The following CCDC92B variants were observed in gnomAD, a reference collection of about 807,000 sequenced individuals.
CCDC92B encodes the protein coiled-coil domain containing 92B, also known as coiled-coil domain-containing 92B.
In CCDC92B, 2 loss-of-function variants were observed where a neutral mutation model predicts 5.6. The observed-to-expected ratio is 0.36, with a 90% CI of 0.15 to 1.12. The LOEUF is 1.12. Ranked by LOEUF, CCDC92B falls within the 50% of genes most tolerant of loss-of-function variation. CCDC92B has a pLI of 0.40. For missense variants in CCDC92B, 271 were observed against 262.2 expected (o/e 1.03, Z -0.23); for synonymous variants, 115 against 122.3 (o/e 0.94, Z 0.39).
rs1485560579 is a variant in CCDC92B, at chr17:2,724,861, G to T, written c.318C>A (p.Arg106=). The change falls in exon 4 of 4, where the codon CGC becomes CGA. Residue 106 remains arginine (R), a synonymous_variant. Transcript: ENST00000614400. The surrounding 1 kb of genome is among the most constrained non-coding windows in gnomAD (Gnocchi z 5.0). The part of the protein sequence containing the change: ...ALVSALRCSL[R]TEERRFLEEL... Reference sequence around the variant, plus strand: ...CCTCCAGGAAGCGGCGCTCCTCGGTGCGCAGGCTGCAGCGCAGCGCGGACA... The same window carrying T: ...CCTCCAGGAAGCGGCGCTCCTCGGTTCGCAGGCTGCAGCGCAGCGCGGACA... 1 of 985,164 alleles carries T rather than the reference G, an allele frequency of 1.0e-6. No individual in the cohort carries two copies. The highest frequency in any genetic ancestry group is 1.2e-6 in the Non-Finnish European group (1 of 829,804). 61.0% of individuals were successfully genotyped at this position (985,164 alleles called of 1,614,324 possible). A position where few individuals can be genotyped will look rare whatever the true frequency, so the allele number is the denominator to read the frequency against.
intron 1 of CCDC92B, among the ~76,000 whole-genome samples, chr17:2,739,088 G>C (rs912420813): frequency 1.3e-4 from 19 of 147,992 alleles, no homozygotes; most frequent in South Asian, 4.3e-4. Context: ...AATAAATAGG[G>C]CGGGCGCAAT....
At chr17:2,733,223 A>C (rs926495498) in intron 2 of CCDC92B, among the ~76,000 whole-genome samples, 1 of 150,776 alleles carries the variant, frequency 6.6e-6, no homozygotes, top group Non-Finnish European at 1.5e-5. Context: ...GAAAGAAATG[A>C]CAGGAGCTGC....
rs1337987833 is a variant in CCDC92B at position 2,748,265 on chromosome 17, C to T, written c.-24+1146G>A. 16 of 950,266 alleles carry T rather than the reference C, an allele frequency of 1.7e-5. No individual in the cohort carries two copies. In the East Asian group the frequency reaches 2.8e-4, roughly 17 times the overall value. 58.9% of individuals were successfully genotyped at this position (950,266 alleles called of 1,614,324 possible). A position where few individuals can be genotyped will look rare whatever the true frequency, so the allele number is the denominator to read the frequency against. ...CCACCCTATCTCTGCCTCTTGAAGC[C>T]TGACCCATCCTTCAGGGCCTTGCTC... On this transcript the variant is annotated intron_variant, in intron 1 of 3. Transcript: ENST00000614400.
chr17:2,725,988 C>CTTTTTTTTT (rs565583381), intron 3 of CCDC92B, among the ~76,000 whole-genome samples: 1 of 78,240 alleles, frequency 1.3e-5, no homozygotes, highest in Admixed American at 1.5e-4. Context: ...TTTATCACGT[C>CTTTTTTTTT]TTTTTTTTTT....
chr17:2,726,424 C>T (rs1449766413), intron 3 of CCDC92B, among the ~76,000 whole-genome samples: 2 of 151,828 alleles, frequency 1.3e-5, no homozygotes, highest in Non-Finnish European at 2.9e-5. Flanking sequence ...CCTCGTGATC[C>T]GCCTGCCTCA....
chr17:2,740,689 A>C (rs1041127255), intron 1 of CCDC92B, among the ~76,000 whole-genome samples: 7 of 151,822 alleles, frequency 4.6e-5, no homozygotes, highest in Non-Finnish European at 8.8e-5. Context: ...AAAAAACAAA[A>C]AAATAAGAGC....
At chr17:2,745,245 C>G (rs1300994075) in intron 1 of CCDC92B, among the ~76,000 whole-genome samples, 2 of 151,940 alleles carry the variant, frequency 1.3e-5, no homozygotes, top group Non-Finnish European at 1.5e-5. Flanking sequence ...GTGTGTTTCC[C>G]GATTCTCTTT....
chr17:2,732,954 A>G (rs547449191), intron 2 of CCDC92B, among the ~76,000 whole-genome samples: 1 of 151,862 alleles, frequency 6.6e-6, no homozygotes, highest in South Asian at 2.1e-4. Context: ...CGGAGCTTGC[A>G]GTGAGCCGAG....
intron 2 of CCDC92B, among the ~76,000 whole-genome samples, chr17:2,731,171 G>A (rs1308067213): frequency 6.6e-6 from 1 of 152,160 alleles, no homozygotes; most frequent in African/African-American, 2.4e-5. Context: ...GGGTGGAGCG[G>A]GCAGCCTAGG....
At chr17:2,730,562 TGA>T (rs35055583) in intron 2 of CCDC92B, 69 bp from the exon 3 acceptor site, 24,050 of 264,040 alleles carry the variant, frequency 0.091, 2,735 homozygotes, top group Non-Finnish European at 0.11. Context: ...TGTGTGTGTG[TGA>T]GAGAGAGAGA....
chr17:2,749,258 A>G (rs1041713417), intron 1 of CCDC92B, among the ~76,000 whole-genome samples, 153 bp downstream of exon 1: 1 of 152,068 alleles, frequency 6.6e-6, no homozygotes, highest in Non-Finnish European at 1.5e-5. Flanking sequence ...AACTTCTGCC[A>G]GCAGCCCGCC....
In CCDC92B at chr17:2,724,169, A is replaced by G. The variant is rs2070694579; in HGVS notation, c.*242T>C. ...GGGACGGCGAGTCCTCTCGGTAGAG[A>G]AGGTGCCCCCGCTCGGCCCCGCGGA... On this transcript the variant is annotated 3_prime_UTR_variant, in exon 4 of 4. Transcript: ENST00000614400. This position sits in a 1 kb window ranked among gnomAD's most constrained non-coding sequence, Gnocchi z 5.0. 2.0e-6 allele frequency: 2 copies of G among 985,248 alleles called. No individual in the cohort carries two copies. Among genetic ancestry groups the G allele is most frequent in the Non-Finnish European group, 2.4e-6 (2 of 829,886 alleles). 61.0% of individuals were successfully genotyped at this position (985,248 alleles called of 1,614,324 possible). A position where few individuals can be genotyped will look rare whatever the true frequency, so the allele number is the denominator to read the frequency against.
rs1567607983 is a variant in CCDC92B, at chr17:2,721,608, T to A, written c.*2803A>T. ...AGTCTCGTTCTGCTGCACAGAGGGT[T>A]CTGTGCAGGCGGGTGGAGGGGTTTC... On this transcript the variant is annotated 3_prime_UTR_variant, in exon 4 of 4. Coordinates refer to ENST00000614400, the MANE Select transcript of CCDC92B (RefSeq NM_001355573.2). 1 of 152,220 alleles carries A rather than the reference T, an allele frequency of 6.6e-6. No individual in the cohort carries two copies. The highest frequency in any genetic ancestry group is 1.5e-5 in the Non-Finnish European group (1 of 68,074). 9.4% of individuals were successfully genotyped at this position (152,220 alleles called of 1,614,324 possible). A position where few individuals can be genotyped will look rare whatever the true frequency, so the allele number is the denominator to read the frequency against.
At chr17:2,749,177 G>A (rs1171610114) in intron 1 of CCDC92B, among the ~76,000 whole-genome samples, 1 of 152,284 alleles carries the variant, frequency 6.6e-6, no homozygotes, top group Non-Finnish European at 1.5e-5. Flanking sequence ...GGGAGGTGGC[G>A]GGGCTCGACC....
chr17:2,726,914 T>TG (rs1491176605), intron 3 of CCDC92B, among the ~76,000 whole-genome samples: 1 of 110,440 alleles, frequency 9.1e-6, no homozygotes, highest in Non-Finnish European at 1.8e-5. Flanking sequence ...CGCCCAGCCC[T>TG]TTTTTTTTTT....
At chr17:2,726,596 C>T (rs182002608) in intron 3 of CCDC92B, among the ~76,000 whole-genome samples, 92 of 152,014 alleles carry the variant, frequency 6.1e-4, no homozygotes, top group African/African-American at 2.1e-3. Flanking sequence ...GGATTACAGG[C>T]GTGAGCCACT....
At chr17:2,741,782 T>C (rs915300157) in intron 1 of CCDC92B, among the ~76,000 whole-genome samples, 8 of 150,998 alleles carry the variant, frequency 5.3e-5, no homozygotes, top group African/African-American at 1.7e-4. Flanking sequence ...TTAGTAGAGA[T>C]GGAGTTTCAC....
At chr17:2,734,689 C>T (rs898953520) in intron 2 of CCDC92B, among the ~76,000 whole-genome samples, 3 of 151,996 alleles carry the variant, frequency 2.0e-5, no homozygotes, top group Non-Finnish European at 4.4e-5. Flanking sequence ...GGGGTTTCAC[C>T]ATGTTGTCCA....
chr17:2,748,540 GCA>G (rs2071015951), intron 1 of CCDC92B: 6 of 953,974 alleles, frequency 6.3e-6, no homozygotes, highest in South Asian at 4.8e-5. Context: ...GTGTGTGTGT[GCA>G]TGTGCCTGAA....
Sources: allele counts gnomAD v4.1 joint callset (sites outside exome capture counted in the v4.1 genomes callset), GRCh38; gene constraint gnomAD v4.1.1; non-coding constraint Gnocchi (gnomAD v3.1); transcripts MANE v1.5; gene names NCBI Gene and HGNC (gene_info 2026-07-23, HGNC 2026-07-21).